The following ARMC9 variants were observed in gnomAD, a reference collection of about 807,000 sequenced individuals.
ARMC9 encodes lisH domain-containing protein ARMC9.
A neutral mutation model predicts 107.0 loss-of-function variants in ARMC9; 94 were observed. The ratio of observed to expected loss-of-function variants is 0.88; its 90% CI spans 0.74 to 1.04. The LOEUF is 1.04. ARMC9 is among the 50% of genes least tolerant of loss of function. ARMC9 has a pLI of 0.00. For synonymous variants in ARMC9, 380 were observed against 396.9 expected, an observed-to-expected ratio of 0.96 and a Z score of 0.51; for missense variants, 942 against 1,030.1, an observed-to-expected ratio of 0.91 and a Z score of 1.17.
intron 19 of ARMC9, among the ~76,000 whole-genome samples, chr2:231,315,203 C>T (rs1339183944): frequency 6.8e-6 from 1 of 147,420 alleles, no homozygotes; most frequent in African/African-American, 2.5e-5. Flanking sequence ...CATGCCACTG[C>T]ACTCCAGCCT....
intron 19 of ARMC9, among the ~76,000 whole-genome samples, chr2:231,318,201 G>A (rs2042807960): frequency 1.3e-5 from 2 of 152,064 alleles, no homozygotes; most frequent in Admixed American, 1.3e-4. Flanking sequence ...ACTGAGAAAT[G>A]TGTCTCCCCT....
chr2:231,331,988 G>A, intron 20 of ARMC9, 91 bp downstream of exon 20: 1 of 1,093,426 alleles, frequency 9.1e-7, no homozygotes, highest in Non-Finnish European at 1.4e-6. Context: ...AGAGGGTTTA[G>A]TTTGGTTTGT....
chr2:231,352,758 CATAG>C (rs1333839290), intron 21 of ARMC9, among the ~76,000 whole-genome samples: 3 of 151,582 alleles, frequency 2.0e-5, no homozygotes, highest in East Asian at 1.9e-4. Flanking sequence ...GGTAGGTAGA[CATAG>C]ATATAGATAA....
chr2:231,254,457 T>C (rs2037573893), intron 9 of ARMC9, among the ~76,000 whole-genome samples: 1 of 152,114 alleles, frequency 6.6e-6, no homozygotes, highest in South Asian at 2.1e-4. Flanking sequence ...TCTGGCAATG[T>C]TTATCAGAAT....
chr2:231,217,033 G>A (rs1170681811), intron 5 of ARMC9, among the ~76,000 whole-genome samples: 1 of 152,170 alleles, frequency 6.6e-6, no homozygotes, highest in Admixed American at 6.5e-5. Context: ...AAATCTGGAA[G>A]AGTTATAGTA....
chr2:231,338,366 A>G (rs532976597), intron 20 of ARMC9, among the ~76,000 whole-genome samples: 36 of 151,952 alleles, frequency 2.4e-4, no homozygotes, highest in Non-Finnish European at 4.7e-4. Context: ...CTGGGACTAC[A>G]GGCGTATGTG....
At chr2:231,304,704 T>C (rs1046523494) in intron 19 of ARMC9, among the ~76,000 whole-genome samples, 7 of 152,182 alleles carry the variant, frequency 4.6e-5, no homozygotes, top group Non-Finnish European at 5.9e-5. Flanking sequence ...GCCCCAAATG[T>C]TGATACATTT....
At chr2:231,311,240 G>A (rs1417111827) in intron 19 of ARMC9, among the ~76,000 whole-genome samples, 1 of 152,232 alleles carries the variant, frequency 6.6e-6, no homozygotes, top group African/African-American at 2.4e-5. Flanking sequence ...GCAGCCGGCT[G>A]TGTGCTACTT....
intron 19 of ARMC9, among the ~76,000 whole-genome samples, chr2:231,315,400 G>A (rs545955788): frequency 7.9e-4 from 121 of 152,210 alleles, no homozygotes; most frequent in Admixed American, 1.6e-3. Context: ...TTAGCCAGGC[G>A]TGGTGGCGCA....
chr2:231,347,568 C>G (rs972940393), intron 21 of ARMC9, among the ~76,000 whole-genome samples: 3 of 152,184 alleles, frequency 2.0e-5, no homozygotes, highest in Non-Finnish European at 4.4e-5. Context: ...TAGACATCAT[C>G]CTCTACAGAT....
Position 231,358,687 on chromosome 2 carries a change from A to T in ARMC9, c.2132-2067A>T, listed in dbSNP as rs2045442934. ...GGAAGAGCCTTTGCGCTTTGCGTTC[A>T]GTCAGCACCGCAGGGAAAACTCATG... On this transcript the variant is annotated intron_variant, in intron 22 of 24. Transcript: ENST00000611582. The surrounding 1 kb of genome is among the most constrained non-coding windows in gnomAD (Gnocchi z 4.5). Among the ~76,000 whole-genome samples, 1 of 151,924 alleles carries T rather than the reference A, an allele frequency of 6.6e-6. No individual in the cohort carries two copies. The highest frequency in any genetic ancestry group is 1.5e-5 in the Non-Finnish European group (1 of 67,880).
At chr2:231,292,124 C>T (rs13418542) in intron 18 of ARMC9, among the ~76,000 whole-genome samples, 38,207 of 149,842 alleles carry the variant, frequency 0.25, 5,175 homozygotes, top group Non-Finnish European at 0.29. Flanking sequence ...GCCGAGATTG[C>T]GCCATTGCAC....
intron 19 of ARMC9, among the ~76,000 whole-genome samples, chr2:231,311,339 T>C (rs1054859559): frequency 6.6e-6 from 1 of 152,062 alleles, no homozygotes; most frequent in Admixed American, 6.6e-5. Flanking sequence ...TCTGTGTTAG[T>C]GAATTGTAAG....
At chr2:231,345,852 G>A (rs1182591564) in intron 21 of ARMC9, among the ~76,000 whole-genome samples, 1 of 152,176 alleles carries the variant, frequency 6.6e-6, no homozygotes, top group African/African-American at 2.4e-5. Context: ...CTGAAACTGG[G>A]CACTTTATTT....
chr2:231,262,225 C>A, intron 11 of ARMC9, 81 bp from the exon 12 acceptor site: 2 of 1,251,260 alleles, frequency 1.6e-6, no homozygotes, highest in South Asian at 1.2e-5. Flanking sequence ...CTGATACTGC[C>A]ATCTAAAACA....
Position 231,327,123 on chromosome 2 carries a change from A to G in ARMC9, c.1774-4670A>G, listed in dbSNP as rs545094745. Among the ~76,000 whole-genome samples the G allele has an allele frequency of 2.0e-5, 3 of 152,306 alleles. No individual in the cohort carries two copies. In the East Asian group the frequency reaches 5.8e-4, roughly 29 times the overall value. On this transcript the variant is annotated intron_variant, in intron 19 of 24. Coordinates refer to ENST00000611582, the MANE Select transcript of ARMC9 (RefSeq NM_001352754.2). ...CTTTGTAATTTAACCTGCAAAGGAC[A>G]GTCTAAGGTTGGCCGGAAGCTTTGG...
intron 22 of ARMC9, among the ~76,000 whole-genome samples, chr2:231,359,260 T>C (rs568048737): frequency 6.6e-6 from 1 of 152,134 alleles, no homozygotes; most frequent in Non-Finnish European, 1.5e-5. Flanking sequence ...CTAATTTTTG[T>C]ATTTTTAGTA....
In ARMC9 at chr2:231,326,630, G is replaced by A. The variant is rs1024220609; in HGVS notation, c.1774-5163G>A. On this transcript the variant is annotated intron_variant, in intron 19 of 24. Coordinates refer to ENST00000611582, the MANE Select transcript of ARMC9 (RefSeq NM_001352754.2). ...TATGTGGTTGAGAGAGTGGAGAGGC[G>A]GGGTAGCTTCCCCCAGCGCAGCCCT... is the stretch of plus-strand genomic sequence containing the variant. Among the ~76,000 whole-genome samples the A allele has an allele frequency of 5.3e-5, 8 of 152,266 alleles. No individual in the cohort carries two copies. The East Asian group carries it at 5.8e-4, about 11-fold the overall frequency.
At chr2:231,340,716 G>A (rs147557499) in intron 20 of ARMC9, among the ~76,000 whole-genome samples, 2,933 of 151,996 alleles carry the variant, frequency 0.019, 107 homozygotes, top group African/African-American at 0.066. Context: ...GTGAAACCCC[G>A]TCTCTACTAA....
Sources: allele counts gnomAD v4.1 joint callset (sites outside exome capture counted in the v4.1 genomes callset), GRCh38; gene constraint gnomAD v4.1.1; non-coding constraint Gnocchi (gnomAD v3.1); transcripts MANE v1.5; gene names NCBI Gene and HGNC (gene_info 2026-07-23, HGNC 2026-07-21).